The following STRIP2 variants were observed in gnomAD, a reference collection of about 807,000 sequenced individuals.
STRIP2 encodes striatin interacting protein 2.
A neutral mutation model predicts 107.1 loss-of-function variants in STRIP2; 84 were observed. That is an observed-to-expected ratio of 0.78 (90% CI 0.66 to 0.94). The LOEUF is 0.94. STRIP2 is among the 40% of genes least tolerant of loss of function. The probability of loss-of-function intolerance (pLI) is 0.00; values close to 1 mark genes in which losing one functional copy is unlikely to be tolerated. For synonymous variants in STRIP2, 394 were observed against 400.4 expected, an observed-to-expected ratio of 0.98 and a Z score of 0.19; for missense variants, 888 against 1,034.2, an observed-to-expected ratio of 0.86 and a Z score of 1.94.
chr7:129,449,568 CTG>C (rs964614972), intron 3 of STRIP2, among the ~76,000 whole-genome samples: 11 of 152,156 alleles, frequency 7.2e-5, no homozygotes, highest in Non-Finnish European at 2.9e-5. Flanking sequence ...GATGGGGAAA[CTG>C]TTCCTCCTGG....
intron 7 of STRIP2, among the ~76,000 whole-genome samples, 185 bp from the exon 8 acceptor site, chr7:129,455,059 G>T (rs548210805): frequency 1.3e-4 from 20 of 152,322 alleles, no homozygotes; most frequent in African/African-American, 4.3e-4. Flanking sequence ...TTAATTCCAT[G>T]GCGTCCCTTC....
chr7:129,455,454 G>C, intron 8 of STRIP2, 83 bp downstream of exon 8: 3 of 1,511,994 alleles, frequency 2.0e-6, no homozygotes, highest in Non-Finnish European at 2.7e-6. Context: ...ATTCCAGGAG[G>C]CTGGATCCAG....
At chr7:129,436,321 G>T (rs1797737172) in intron 1 of STRIP2, among the ~76,000 whole-genome samples, 1 of 152,176 alleles carries the variant, frequency 6.6e-6, no homozygotes, top group Non-Finnish European at 1.5e-5. Context: ...AAAAGTCTCT[G>T]CCTGGGTCTC....
rs201152686 is a variant in STRIP2, at chr7:129,458,770, C to G, written c.1333C>G (p.Leu445Val). 1 of 1,614,150 alleles carries G rather than the reference C, an allele frequency of 6.2e-7. No homozygotes were observed. Among genetic ancestry groups the G allele is most frequent in the African/African-American group, 1.3e-5 (1 of 75,044 alleles). ...CAGGAACAAGTTCATCGGATTCACC[C>G]TGGGGCAGTAAGTGACTGAATGGCT... is the stretch of plus-strand genomic sequence containing the variant. Reference protein sequence around the residue: ...MSRNKFIGFTLGQDTDTLVGL... With the variant: ...MSRNKFIGFTVGQDTDTLVGL... Residue 445 changes from leucine to valine, a missense_variant, in exon 11 of 21, where the codon CTG becomes GTG. Transcript: ENST00000249344. The surrounding 1 kb of genome is among the most constrained non-coding windows in gnomAD (Gnocchi z 4.6).
chr7:129,451,502 G>A, intron 3 of STRIP2, 111 bp from the exon 4 acceptor site: 1 of 1,381,650 alleles, frequency 7.2e-7, no homozygotes, highest in Admixed American at 2.2e-5. Flanking sequence ...AGCTTTTGGA[G>A]AAAATAATTT....
At chr7:129,437,951 G>A (rs546499571) in intron 1 of STRIP2, among the ~76,000 whole-genome samples, 31 of 152,050 alleles carry the variant, frequency 2.0e-4, no homozygotes, top group Non-Finnish European at 4.4e-4. Flanking sequence ...GACTACAGGC[G>A]TCCGCCACCA....
intron 3 of STRIP2, among the ~76,000 whole-genome samples, chr7:129,445,881 G>A (rs1269804852): frequency 6.6e-6 from 1 of 152,172 alleles, no homozygotes; most frequent in Non-Finnish European, 1.5e-5. Context: ...TTGCTTGCAG[G>A]ATAGGCAAAC....
chr7:129,484,690 T>C (rs1748500679), intron 20 of STRIP2: 1 of 152,196 alleles, frequency 6.6e-6, no homozygotes, highest in African/African-American at 2.4e-5. Context: ...AAAGGAAACA[T>C]ATGATAGGCA....
chr7:129,475,560 T>C (rs13222831), intron 18 of STRIP2, among the ~76,000 whole-genome samples: 26,503 of 118,562 alleles, frequency 0.22, 4,206 homozygotes, highest in Non-Finnish European at 0.33. Flanking sequence ...TTTCTTTTTT[T>C]TTTTTTTCTT....
Position 129,454,470 on chromosome 7 carries a change from C to G in STRIP2, c.649C>G (p.Arg217Gly). Reference protein sequence around the residue: ...YLMVENIRLERETDPCGWRTA... With the variant: ...YLMVENIRLEGETDPCGWRTA... ...AATGGTGGAAAATATTCGCCTGGAG[C>G]GAGAGACAGACCCCTGTGGGTGGAG... Residue 217 changes from arginine to glycine, a missense_variant, in exon 7 of 21, where the codon CGA becomes GGA. Coordinates refer to ENST00000249344, the MANE Select transcript of STRIP2 (RefSeq NM_020704.3). 1 of 1,614,014 alleles carries G rather than the reference C, an allele frequency of 6.2e-7. No homozygotes were observed. Among genetic ancestry groups the G allele is most frequent in the Admixed American group, 1.7e-5 (1 of 60,016 alleles).
intron 18 of STRIP2, among the ~76,000 whole-genome samples, chr7:129,472,765 C>A (rs188677718): frequency 1.0e-3 from 49 of 48,234 alleles, no homozygotes; most frequent in African/African-American, 3.2e-3. Flanking sequence ...ATAGAATTTT[C>A]TTTTCTTTTC....
At chr7:129,485,294 G>A (rs1449567990) in intron 20 of STRIP2, among the ~76,000 whole-genome samples, 1 of 151,680 alleles carries the variant, frequency 6.6e-6, no homozygotes, top group Non-Finnish European at 1.5e-5. Context: ...CCTCCCTCTG[G>A]GCCCTCATTT....
At chr7:129,471,275 C>T (rs1045697533) in intron 18 of STRIP2, among the ~76,000 whole-genome samples, 3 of 152,110 alleles carry the variant, frequency 2.0e-5, no homozygotes, top group Non-Finnish European at 2.9e-5. Context: ...TTCCATGAAA[C>T]TGACTGAACA....
chr7:129,455,428 A>C lies in STRIP2; in HGVS notation c.834+57A>C, dbSNP rs1584947839. 11 of 1,567,272 alleles carry C rather than the reference A, an allele frequency of 7.0e-6. No homozygotes were observed. In the East Asian group the frequency reaches 2.5e-4, roughly 36 times the overall value. ...GATCAGCAATGCCCTATGCCACCTC[A>C]GTTTCTTCTAGTCTCATTCCAGGAG... On this transcript the variant is annotated intron_variant, in intron 8 of 20. Coordinates refer to ENST00000249344, the MANE Select transcript of STRIP2 (RefSeq NM_020704.3).
intron 18 of STRIP2, among the ~76,000 whole-genome samples, chr7:129,477,042 GC>G (rs1798976762): frequency 6.6e-6 from 1 of 151,628 alleles, no homozygotes; most frequent in Admixed American, 6.6e-5. Flanking sequence ...AGGCGTGGCG[GC>G]GCGCGCCTGC....
chr7:129,446,718 A>G (rs1798046138), intron 3 of STRIP2, among the ~76,000 whole-genome samples: 2 of 152,214 alleles, frequency 1.3e-5, no homozygotes, highest in South Asian at 4.1e-4. Flanking sequence ...CCAGGGTGGC[A>G]GGACTGGAGA....
At chr7:129,473,843 G>A (rs867780330) in intron 18 of STRIP2, among the ~76,000 whole-genome samples, 3 of 151,736 alleles carry the variant, frequency 2.0e-5, no homozygotes, top group South Asian at 2.1e-4. Context: ...TCAGCCTTCC[G>A]AGTAGCTGGG....
chr7:129,482,812 T>A (rs781129813), intron 19 of STRIP2, 30 bp from the exon 20 acceptor site: 1 of 1,610,730 alleles, frequency 6.2e-7, no homozygotes, highest in Non-Finnish European at 8.5e-7. Context: ...AAACGTTAGA[T>A]CTTTACCCCA....
chr7:129,464,087 A>G lies in STRIP2; in HGVS notation c.1595A>G (p.Lys532Arg), dbSNP rs1168295295. The change falls in exon 15 of 21, where the codon AAG (lysine) becomes AGG (arginine). Residue 532 changes from lysine to arginine, a missense_variant. Physicochemically the swap from Lys to Arg is conservative, Grantham distance 26. Coordinates refer to ENST00000249344, the MANE Select transcript of STRIP2 (RefSeq NM_020704.3). ...CTGCTGGCTGCAGCTCCCACCTCTAAGGCTAAGACAGACTCTATCAATATC... is the reference window on the plus strand; with the variant it reads ...CTGCTGGCTGCAGCTCCCACCTCTAGGGCTAAGACAGACTCTATCAATATC... ...KILLAAAPTS[K>R]AKTDSINILA... 2.5e-6 allele frequency: 4 copies of G among 1,613,488 alleles called. No individual in the cohort carries two copies. Among genetic ancestry groups the G allele is most frequent in the Non-Finnish European group, 3.4e-6 (4 of 1,180,006 alleles).
Sources: gnomAD v4.1 joint callset for allele counts (sites outside exome capture counted in the v4.1 genomes callset) on GRCh38, gnomAD v4.1.1 for gene constraint, Gnocchi (gnomAD v3.1) non-coding constraint, MANE v1.5 for transcripts, NCBI Gene and HGNC (gene_info 2026-07-23, HGNC 2026-07-21) for gene names.